The following LDHC variants were observed in gnomAD, a reference collection of about 807,000 sequenced individuals.
The protein encoded by LDHC is lactate dehydrogenase C, also known as L-lactate dehydrogenase C chain.
In LDHC, 20 loss-of-function variants were observed where a neutral mutation model predicts 30.2. That is an observed-to-expected ratio of 0.66 (90% CI 0.47 to 0.96). LDHC has a LOEUF of 0.96. Among genes scored for constraint, LDHC ranks in the 40% least tolerant of loss-of-function variants. The probability of loss-of-function intolerance (pLI) is 0.00; values close to 1 mark genes in which losing one functional copy is unlikely to be tolerated. For synonymous variants in LDHC, 139 were observed against 132.7 expected (o/e 1.05, Z -0.32); for missense variants, 362 against 394.9 (o/e 0.92, Z 0.71).
chr11:18,427,489 G>A (rs1279438992), intron 3 of LDHC, among the ~76,000 whole-genome samples: 1 of 152,140 alleles, frequency 6.6e-6, no homozygotes. Flanking sequence ...TGGCAAAGTT[G>A]GGAATACTGG....
intron 3 of LDHC, among the ~76,000 whole-genome samples, chr11:18,426,516 G>A (rs1848164374): frequency 1.9e-5 from 2 of 107,592 alleles, no homozygotes. Flanking sequence ...AACAGAGCAA[G>A]ACTCCGTCTC....
rs752931129 is a variant in LDHC, at chr11:18,429,754, A to G, written c.262A>G (p.Asn88Asp). The G allele has an allele frequency of 4.4e-6, 7 of 1,604,368 alleles. No homozygotes were observed. Among genetic ancestry groups the G allele is most frequent in the Non-Finnish European group, 5.1e-6 (6 of 1,173,296 alleles). Residue 88 changes from asparagine to aspartate, a missense_variant, in exon 4 of 8, where the codon AAC (asparagine) becomes GAC (aspartate). By Grantham distance (23) the Asn-to-Asp change is conservative. Transcript: ENST00000541669. The part of the protein sequence containing the change: ...TSGKDYSVSA[N>D]SRIVIVTAGA... ...CTTTTTAGATTACAGTGTATCTGCA[A>G]ACTCCAGAATAGTTATTGTCACAGC...
In LDHC at chr11:18,437,784, G is replaced by A. The variant is rs201316734; in HGVS notation, c.593-744G>A. 5.9e-5 allele frequency among the ~76,000 whole-genome samples: 9 copies of A among 151,330 alleles called. No individual in the cohort carries two copies. In the East Asian group the frequency reaches 1.7e-3, roughly 29 times the overall value. The stretch of plus-strand genomic sequence containing the variant: ...AAAAAAAAAGAAAAAGAAATACCTG[G>A]CCAGGAGTAGTGGCTCATGCCTGTA... On this transcript the variant is annotated intron_variant, in intron 5 of 7. Coordinates refer to ENST00000541669, the MANE Select transcript of LDHC (RefSeq NM_017448.5).
intron 3 of LDHC, among the ~76,000 whole-genome samples, chr11:18,425,138 G>A (rs1001213540): frequency 6.6e-6 from 1 of 152,148 alleles, no homozygotes; most frequent in Non-Finnish European, 1.5e-5. Context: ...GAGGCATGCA[G>A]GGGCTTCCAA....
At chr11:18,445,974 C>CATAATAATAATAA (rs1195184314) in intron 6 of LDHC, among the ~76,000 whole-genome samples, 5 of 151,916 alleles carry the variant, frequency 3.3e-5, no homozygotes, top group African/African-American at 1.2e-4. Flanking sequence ...AAGACCCTGT[C>CATAATAATAATAA]TCAAAAAATA....
chr11:18,415,260 G>A lies in LDHC; in HGVS notation c.203G>A (p.Gly68Asp). 6.2e-7 allele frequency: 1 copy of A among 1,606,112 alleles called. No individual in the cohort carries two copies. The highest frequency in any genetic ancestry group is 8.5e-7 in the Non-Finnish European group (1 of 1,173,488). ...LKGEMMDLQH[G>D]SLFFSTSKIT... is the part of the protein sequence containing the mutation. ...GGAGAAATGATGGATCTTCAGCATGGCAGTCTTTTCTTTAGTACTTCAAAG... is the reference window on the plus strand; with the variant it reads ...GGAGAAATGATGGATCTTCAGCATGACAGTCTTTTCTTTAGTACTTCAAAG... The change falls in exon 3 of 8, where the codon GGC becomes GAC. Residue 68 changes from glycine (G) to aspartate (D), a missense_variant. Coordinates refer to ENST00000541669, the MANE Select transcript of LDHC (RefSeq NM_017448.5).
intron 6 of LDHC, among the ~76,000 whole-genome samples, chr11:18,440,144 C>CAAAAAAAAAAA (rs35749455): frequency 1.2e-5 from 1 of 83,012 alleles, no homozygotes; most frequent in Non-Finnish European, 2.6e-5. Flanking sequence ...TACTAAAATA[C>CAAAAAAAAAAA]AAAAAAAAAA....
At chr11:18,432,741 G>C (rs1231572551) in intron 4 of LDHC, among the ~76,000 whole-genome samples, 3 of 152,136 alleles carry the variant, frequency 2.0e-5, no homozygotes, top group Non-Finnish European at 2.9e-5. Context: ...TTTAACTGCT[G>C]TTGCTTTAAA....
At chr11:18,428,166 CTTTT>C (rs35861956) in intron 3 of LDHC, among the ~76,000 whole-genome samples, 5 of 94,830 alleles carry the variant, frequency 5.3e-5, no homozygotes, top group African/African-American at 1.3e-4. Flanking sequence ...CTTTCTCTCT[CTTTT>C]TTTTTTTTTT....
chr11:18,438,698 A>C, intron 6 of LDHC, 53 bp downstream of exon 6: 1 of 926,592 alleles, frequency 1.1e-6, no homozygotes, highest in South Asian at 1.5e-5. Flanking sequence ...CTTAAGAATA[A>C]ATATCACGGA....
intron 3 of LDHC, among the ~76,000 whole-genome samples, chr11:18,423,683 A>C (rs1848107345): frequency 6.6e-6 from 1 of 152,210 alleles, no homozygotes; most frequent in Non-Finnish European, 1.5e-5. Flanking sequence ...ACAAAGACAC[A>C]AAAAGCATAA....
At chr11:18,435,420 C>T (rs1300067236) in intron 5 of LDHC, among the ~76,000 whole-genome samples, 4 of 151,706 alleles carry the variant, frequency 2.6e-5, no homozygotes, top group Non-Finnish European at 5.9e-5. Context: ...CCCTCCCCGA[C>T]CCCCGCTGTA....
intron 3 of LDHC, among the ~76,000 whole-genome samples, chr11:18,417,452 G>A (rs575283254): frequency 1.3e-5 from 2 of 152,236 alleles, no homozygotes; most frequent in African/African-American, 4.8e-5. Context: ...GGAGTGCAGT[G>A]GCATAATCAT....
chr11:18,415,179 T>C lies in LDHC; in HGVS notation c.127-5T>C. 2.6e-6 allele frequency: 4 copies of C among 1,541,840 alleles called. No individual in the cohort carries two copies. The highest frequency in any genetic ancestry group is 3.6e-6 in the Non-Finnish European group (4 of 1,122,554). On this transcript the variant is annotated splice_region_variant and splice_polypyrimidine_tract_variant and intron_variant, in intron 2 of 7. Transcript: ENST00000541669. ...CATTTTATTCAGAACTTTTGTATAT[T>C]TTAGGATTTGGCTGATGAACTTGCC...
chr11:18,442,076 T>A (rs1230354726), intron 6 of LDHC, among the ~76,000 whole-genome samples: 1 of 152,152 alleles, frequency 6.6e-6, no homozygotes, highest in Non-Finnish European at 1.5e-5. Context: ...TTTTTGTTTT[T>A]TTTTAACTGC....
intron 6 of LDHC, among the ~76,000 whole-genome samples, chr11:18,439,830 A>AAG (rs1554964776): frequency 8.6e-6 from 1 of 115,708 alleles, no homozygotes; most frequent in Non-Finnish European, 2.0e-5. Context: ...AAAAAAAAAA[A>AAG]AAAAAACAAA....
At chr11:18,428,166 C>CTTTTTTTTTTTTTTTTTT (rs35861956) in intron 3 of LDHC, among the ~76,000 whole-genome samples, 1 of 94,830 alleles carries the variant, frequency 1.1e-5, no homozygotes, top group Non-Finnish European at 2.0e-5. Context: ...CTTTCTCTCT[C>CTTTTTTTTTTTTTTTTTT]TTTTTTTTTT....
intron 6 of LDHC, among the ~76,000 whole-genome samples, chr11:18,444,851 A>G (rs1284747014): frequency 3.3e-5 from 5 of 151,842 alleles, no homozygotes; most frequent in Admixed American, 6.6e-5. Context: ...ACCTGAGACC[A>G]CTATTTGTAG....
chr11:18,423,530 C>T (rs1848104458), intron 3 of LDHC, among the ~76,000 whole-genome samples: 1 of 152,078 alleles, frequency 6.6e-6, no homozygotes, highest in South Asian at 2.1e-4. Context: ...ATTGATACCA[C>T]ACACACACCC....
Sources: allele counts gnomAD v4.1 joint callset (sites outside exome capture counted in the v4.1 genomes callset), GRCh38; gene constraint gnomAD v4.1.1; transcripts MANE v1.5; gene names NCBI Gene and HGNC (gene_info 2026-07-23, HGNC 2026-07-21).